The following SPINK9 variants were observed in gnomAD, a reference collection of about 807,000 sequenced individuals.
SPINK9 encodes the protein serine peptidase inhibitor Kazal type 9.
SPINK9 carries 3 observed loss-of-function variants against 10.8 expected under a neutral mutation model. The ratio of observed to expected loss-of-function variants is 0.28; its 90% confidence interval spans 0.13 to 0.72. The LOEUF (loss-of-function observed/expected upper bound fraction) is 0.72, where lower values mean the gene tolerates loss of function less well. Ranked by LOEUF, SPINK9 falls within the 30% of genes least tolerant of loss-of-function variation. The pLI, the probability that SPINK9 is intolerant of heterozygous loss-of-function variation, is 0.74. For synonymous variants in SPINK9, 30 were observed against 31.2 expected (o/e 0.96, Z 0.12); for missense variants, 101 against 103.2 (o/e 0.98, Z 0.09).
upstream of SPINK9, among the ~76,000 whole-genome samples, chr5:148,334,714 A>G (rs1036845207): frequency 1.2e-4 from 19 of 152,004 alleles, no homozygotes; most frequent in Non-Finnish European, 2.9e-5. Flanking sequence ...CTGTCTCCAA[A>G]AAAAAAAAGA....
exon 1 of SPINK9, chr5:148,321,308 T>C (rs1756996924): frequency 2.0e-5 from 3 of 152,026 alleles, no homozygotes; most frequent in Admixed American, 2.0e-4. Flanking sequence ...AGAGAAGTGC[T>C]TAAAGGAGCT....
At chr5:148,324,653 C>T (rs1408193935) in intron 2 of SPINK9, among the ~76,000 whole-genome samples, 1 of 151,870 alleles carries the variant, frequency 6.6e-6, no homozygotes, top group Non-Finnish European at 1.5e-5. Flanking sequence ...AGCACTGTTT[C>T]AATGTTATGC....
chr5:148,337,094 T>C (rs1757227062), intron 2 of SPINK9, among the ~76,000 whole-genome samples: 2 of 152,040 alleles, frequency 1.3e-5, no homozygotes, highest in South Asian at 4.1e-4. Flanking sequence ...AATTTTGGAG[T>C]CAGATGGGCC....
upstream of SPINK9, among the ~76,000 whole-genome samples, chr5:148,333,109 A>G (rs911451720): frequency 6.6e-6 from 1 of 152,184 alleles, no homozygotes; most frequent in African/African-American, 2.4e-5. Context: ...CATTACTCCA[A>G]GTAGCCAAGA....
At chr5:148,334,900 A>T (rs1223322782), upstream of SPINK9, among the ~76,000 whole-genome samples, 1 of 152,188 alleles carries the variant, frequency 6.6e-6, no homozygotes. Flanking sequence ...ACAAGGTCAC[A>T]TGGAGAGTGG....
chr5:148,323,573 C>T (rs1274948102), intron 1 of SPINK9: 4 of 474,118 alleles, frequency 8.4e-6, no homozygotes, highest in Non-Finnish European at 1.5e-5. Flanking sequence ...AACTTTCTTT[C>T]CTTCTTTATT....
At chr5:148,339,170 A>G (rs891921355) in intron 3 of SPINK9, among the ~76,000 whole-genome samples, 2 of 152,172 alleles carry the variant, frequency 1.3e-5, no homozygotes, top group African/African-American at 4.8e-5. Flanking sequence ...TCAGGTAGCC[A>G]AAAGTAGTTT....
rs1220654286 is a variant in SPINK9 at position 148,324,345 on chromosome 5, A to G, written c.118+477A>G. Among the ~76,000 whole-genome samples, 5 of 152,152 alleles carry G rather than the reference A, an allele frequency of 3.3e-5. No homozygotes were observed. The East Asian group carries it at 9.6e-4, about 29-fold the overall frequency. The stretch of plus-strand genomic sequence containing the variant: ...TTGCAACATAAAATGAGATATTTAC[A>G]TAATCTCAAAGAATCTCGTCATAAA... On this transcript the variant is annotated intron_variant, in intron 2 of 4. Transcript: ENST00000511717.
intron 2 of SPINK9, among the ~76,000 whole-genome samples, chr5:148,326,715 C>G (rs1383968230): frequency 1.3e-5 from 2 of 152,070 alleles, no homozygotes; most frequent in African/African-American, 4.8e-5. Flanking sequence ...TTCCTGTGTC[C>G]AAGTGTTCTC....
intron 2 of SPINK9, among the ~76,000 whole-genome samples, chr5:148,324,794 A>T (rs990860147): frequency 6.6e-6 from 1 of 151,916 alleles, no homozygotes; most frequent in African/African-American, 2.4e-5. Context: ...AGAGAGAGAG[A>T]GTCAAAATTC....
chr5:148,331,932 A>G (rs1413231371), upstream of SPINK9, among the ~76,000 whole-genome samples: 1 of 152,144 alleles, frequency 6.6e-6, no homozygotes, highest in Non-Finnish European at 1.5e-5. Flanking sequence ...TTTGATAGGG[A>G]ATATGTTGAA....
intron 2 of SPINK9, among the ~76,000 whole-genome samples, chr5:148,326,531 T>G (rs1254521961): frequency 6.6e-6 from 1 of 152,162 alleles, no homozygotes; most frequent in Non-Finnish European, 1.5e-5. Flanking sequence ...ATTATTATTA[T>G]ACTTTAAATT....
At chr5:148,331,987 A>T (rs116730958), upstream of SPINK9, among the ~76,000 whole-genome samples, 617 of 152,308 alleles carry the variant, frequency 4.1e-3, 4 homozygotes, top group African/African-American at 0.014. Flanking sequence ...ACAATAGTGT[A>T]TCTTGCTCTT....
intron 1 of SPINK9, among the ~76,000 whole-genome samples, chr5:148,323,177 A>G (rs1757018750): frequency 6.6e-6 from 1 of 152,158 alleles, no homozygotes; most frequent in African/African-American, 2.4e-5. Context: ...GAGACAGATG[A>G]ACTACTTATT....
At chr5:148,329,325 T>C (rs1487643919) in intron 2 of SPINK9, among the ~76,000 whole-genome samples, 2 of 152,204 alleles carry the variant, frequency 1.3e-5, no homozygotes, top group East Asian at 3.9e-4. Flanking sequence ...GATGGTAGTT[T>C]GTATTTCTGT....
upstream of SPINK9, among the ~76,000 whole-genome samples, chr5:148,333,070 G>C (rs1169797023): frequency 6.6e-6 from 1 of 151,954 alleles, no homozygotes; most frequent in Non-Finnish European, 1.5e-5. Flanking sequence ...TGAAATTTGG[G>C]AACTTCTCAT....
intron 2 of SPINK9, chr5:148,323,873 G>A (rs1180673951): frequency 8.7e-6 from 6 of 693,360 alleles, no homozygotes; most frequent in Admixed American, 2.1e-5. Flanking sequence ...TACAAGGTAT[G>A]TAGCCCGCGA....
chr5:148,335,585 C>A lies in SPINK9; in HGVS notation c.-29C>A, dbSNP rs762854406. The stretch of plus-strand genomic sequence containing the variant: ...GACACCAGGTCACTTCTTTTCCCTA[C>A]ATCTGACTGCCTTGGCCACTTCAGT... On this transcript the variant is annotated 5_prime_UTR_variant, in exon 1 of 4. Transcript: ENST00000377906. The A allele has an allele frequency of 6.2e-7, 1 of 1,611,368 alleles. No homozygotes were observed. Among genetic ancestry groups the A allele is most frequent in the South Asian group, 1.1e-5 (1 of 90,972 alleles).
At chr5:148,333,863 T>C (rs1757182522), upstream of SPINK9, among the ~76,000 whole-genome samples, 1 of 152,220 alleles carries the variant, frequency 6.6e-6, no homozygotes, top group Non-Finnish European at 1.5e-5. Flanking sequence ...CATTAACTTG[T>C]TTTGAAATTT....
Sources: gnomAD v4.1 joint callset for allele counts (sites outside exome capture counted in the v4.1 genomes callset) on GRCh38, gnomAD v4.1.1 for gene constraint, MANE v1.5 for transcripts, NCBI Gene and HGNC (gene_info 2026-07-23, HGNC 2026-07-21) for gene names.